Variants in F13A1 observed in about 807,000 individuals in gnomAD.
F13A1 encodes the protein coagulation factor XIII A chain.
Under a neutral mutation model 80.1 loss-of-function variants are expected in F13A1, and 47 were observed. The observed-to-expected ratio is 0.59, with a 90% CI of 0.46 to 0.75. F13A1 has a LOEUF of 0.75. Ranked by LOEUF, F13A1 falls within the 30% of genes least tolerant of loss-of-function variation. F13A1 has a pLI of 0.00. For synonymous variants in F13A1, 349 were observed against 344.9 expected (o/e 1.01, Z -0.13); for missense variants, 817 against 930.4 (o/e 0.88, Z 1.59).
At chr6:6,251,822 C>T (rs1372849735) in intron 4 of F13A1, among the ~76,000 whole-genome samples, 4 of 152,140 alleles carry the variant, frequency 2.6e-5, no homozygotes, top group South Asian at 4.1e-4. Context: ...AGAAATAATT[C>T]GTTAAGAAGA....
intron 8 of F13A1, among the ~76,000 whole-genome samples, chr6:6,217,918 G>T (rs1435452413): frequency 6.6e-6 from 1 of 152,142 alleles, no homozygotes; most frequent in Non-Finnish European, 1.5e-5. Context: ...GAGTTTTTAT[G>T]CATTAAAAAT....
intron 6 of F13A1, among the ~76,000 whole-genome samples, chr6:6,229,871 C>G (rs1757327070): frequency 6.6e-6 from 1 of 152,194 alleles, no homozygotes; most frequent in Non-Finnish European, 1.5e-5. Flanking sequence ...TTTCCGACTT[C>G]ACCTGGTGCT....
intron 14 of F13A1, among the ~76,000 whole-genome samples, chr6:6,148,562 T>C (rs1760323630): frequency 6.6e-6 from 1 of 152,194 alleles, no homozygotes. Flanking sequence ...GTCCAAGTTG[T>C]TACATGGATC....
intron 10 of F13A1, among the ~76,000 whole-genome samples, chr6:6,183,068 T>C (rs1366543793): frequency 6.6e-6 from 1 of 152,188 alleles, no homozygotes; most frequent in Non-Finnish European, 1.5e-5. Context: ...AATGTGTGCC[T>C]GAAAGCTGAC....
rs138754417 is a variant in F13A1, at chr6:6,167,589, C to T, written c.1777G>A (p.Gly593Ser). 3.4e-3 allele frequency: 5,511 copies of T among 1,613,776 alleles called. 22 individuals carry two copies. Among genetic ancestry groups the T allele is most frequent in the Non-Finnish European group, 4.4e-3 (5,148 of 1,179,994 alleles). ...FKKEAVLIQA[G>S]EYMGQLLEQA... ...TCCAGCAGCTGACCCATGTACTCGCCGGCTTGGATCAGCACCGCCTCTTTC... is the reference window on the plus strand; with the variant it reads ...TCCAGCAGCTGACCCATGTACTCGCTGGCTTGGATCAGCACCGCCTCTTTC... The change falls in exon 13 of 15, where the codon GGC (glycine) becomes AGC (serine). Residue 593 changes from glycine to serine, a missense_variant. Transcript: ENST00000264870.
intron 6 of F13A1, among the ~76,000 whole-genome samples, chr6:6,242,333 G>C (rs1757493991): frequency 6.6e-6 from 1 of 152,144 alleles, no homozygotes; most frequent in African/African-American, 2.4e-5. Flanking sequence ...GGTTAAAAAA[G>C]TTTAGTCATG....
Position 6,144,280 on chromosome 6 carries a change from GGTTA to G in F13A1, c.*1335_*1338del, listed in dbSNP as rs1234186284. On this transcript the variant is annotated 3_prime_UTR_variant, in exon 15 of 15. Coordinates refer to ENST00000264870, the MANE Select transcript of F13A1 (RefSeq NM_000129.4). ...TAGAGGGGACCAGCTCACCCTCATA[GGTTA>G]GTGCTGAAGGCTCAGGAACAGTCTC... 6.6e-6 allele frequency: 1 copy of G among 152,158 alleles called. No homozygotes were observed. The highest frequency in any genetic ancestry group is 1.9e-4 in the East Asian group (1 of 5,200). 9.4% of individuals were successfully genotyped at this position (152,158 alleles called of 1,614,324 possible). A position where few individuals can be genotyped will look rare whatever the true frequency, so the allele number is the denominator to read the frequency against.
chr6:6,151,755 A>T, intron 14 of F13A1, 58 bp downstream of exon 14: 1 of 1,610,124 alleles, frequency 6.2e-7, no homozygotes, highest in Middle Eastern at 1.7e-4. Context: ...AGACACACAC[A>T]GAGAAAGCTT....
chr6:6,222,315 G>T, intron 7 of F13A1, 144 bp from the exon 8 acceptor site: 1 of 1,156,728 alleles, frequency 8.6e-7, no homozygotes, highest in Non-Finnish European at 1.2e-6. Context: ...TTCCATGCTG[G>T]AAAAGGGTGG....
At chr6:6,169,742 G>C (rs917031387) in intron 12 of F13A1, among the ~76,000 whole-genome samples, 11 of 152,298 alleles carry the variant, frequency 7.2e-5, no homozygotes, top group African/African-American at 2.6e-4. Context: ...ACAATGCACA[G>C]GATAGTCCCA....
chr6:6,268,687 ATTT>A (rs71540894), intron 3 of F13A1, among the ~76,000 whole-genome samples: 20,237 of 137,188 alleles, frequency 0.15, 1,575 homozygotes, highest in Non-Finnish European at 0.19. Context: ...GGGGGCACTC[ATTT>A]TTTTTTTTTT....
In F13A1 at chr6:6,206,203, C is replaced by T. The variant is rs1019913062; in HGVS notation, c.1113-8877G>A. ...AACTATTTATGAATATGATATTCTACAGCTGATGGCTCTTATTTTTGTAAC... is the reference window on the plus strand; with the variant it reads ...AACTATTTATGAATATGATATTCTATAGCTGATGGCTCTTATTTTTGTAAC... On this transcript the variant is annotated intron_variant, in intron 8 of 14. Coordinates refer to ENST00000264870, the MANE Select transcript of F13A1 (RefSeq NM_000129.4). 2.6e-5 allele frequency among the ~76,000 whole-genome samples: 4 copies of T among 152,260 alleles called. No individual in the cohort carries two copies. In the East Asian group the frequency reaches 5.8e-4, roughly 22 times the overall value.
chr6:6,299,198 A>C (rs1183615030), intron 3 of F13A1, among the ~76,000 whole-genome samples: 402 of 130,890 alleles, frequency 3.1e-3, no homozygotes, highest in Non-Finnish European at 4.9e-3. Flanking sequence ...CCTTCATTTC[A>C]ACTTTGGTGA....
chr6:6,302,024 A>C (rs77440224), intron 3 of F13A1, among the ~76,000 whole-genome samples: 7,231 of 152,270 alleles, frequency 0.047, 215 homozygotes, highest in Middle Eastern at 0.11. Context: ...TCTGCGCACA[A>C]GTCTTCTTCT....
chr6:6,145,551 C>T lies in F13A1; in HGVS notation c.*68G>A, dbSNP rs546019283. ...TAAGTCAAAGCAAGAGCTATTTTTG[C>T]GTTAGAATTTCCTTAGCCAAGACTA... On this transcript the variant is annotated 3_prime_UTR_variant, in exon 15 of 15. Transcript: ENST00000264870. 15 of 1,603,080 alleles carry T rather than the reference C, an allele frequency of 9.4e-6. No homozygotes were observed. The highest frequency in any genetic ancestry group is 6.6e-5 in the South Asian group (6 of 90,706).
chr6:6,281,536 T>C (rs1758064929), intron 3 of F13A1, among the ~76,000 whole-genome samples: 3 of 152,198 alleles, frequency 2.0e-5, no homozygotes, highest in Admixed American at 2.0e-4. Context: ...ATTACACCTT[T>C]TATATATCAT....
At position 6,173,796 on chromosome 6, in the gene F13A1, C is replaced by T. The variant is rs140170403; in HGVS notation, c.1747+784G>A. Among the ~76,000 whole-genome samples, 426 of 152,156 alleles carry T rather than the reference C, an allele frequency of 2.8e-3. 8 individuals are homozygous for T. The highest frequency in any genetic ancestry group is 4.7e-4 in the Non-Finnish European group (32 of 68,002). On this transcript the variant is annotated intron_variant, in intron 12 of 14. Transcript: ENST00000264870. ...CCCCAAAAGACTTTCCTAACTTGGG[C>T]GAGAGGCACCAGCAGAGGGCCTGTT...
chr6:6,243,385 T>C lies in F13A1; in HGVS notation c.798+4927A>G, dbSNP rs1583090599. Among the ~76,000 whole-genome samples, 1 of 152,062 alleles carries C rather than the reference T, an allele frequency of 6.6e-6. No individual in the cohort carries two copies. Among genetic ancestry groups the C allele is most frequent in the Non-Finnish European group, 1.5e-5 (1 of 67,964 alleles). On this transcript the variant is annotated intron_variant, in intron 6 of 14. Coordinates refer to ENST00000264870, the MANE Select transcript of F13A1 (RefSeq NM_000129.4). The surrounding 1 kb of genome is among the most constrained non-coding windows in gnomAD (Gnocchi z 4.2). Reference sequence around the variant, plus strand: ...CCACCACCACCAAACACCACCACCATTATCATATCATATTTGGTACCTGAT... The same window carrying C: ...CCACCACCACCAAACACCACCACCACTATCATATCATATTTGGTACCTGAT...
intron 6 of F13A1, among the ~76,000 whole-genome samples, chr6:6,229,122 A>G (rs1044495482): frequency 6.6e-6 from 1 of 152,236 alleles, no homozygotes; most frequent in Admixed American, 6.5e-5. Flanking sequence ...GATTGAGAAG[A>G]ATTTCATTTA....
Sources: allele counts gnomAD v4.1 joint callset (sites outside exome capture counted in the v4.1 genomes callset), GRCh38; gene constraint gnomAD v4.1.1; non-coding constraint Gnocchi (gnomAD v3.1); transcripts MANE v1.5; gene names NCBI Gene and HGNC (gene_info 2026-07-23, HGNC 2026-07-21).